TANGO6: variants seen among roughly 807,000 people sequenced by gnomAD.
The protein encoded by TANGO6 is transport and Golgi organization protein 6 homolog.
Under a neutral mutation model 114.2 loss-of-function variants are expected in TANGO6, and 90 were observed. The observed-to-expected ratio is 0.79, with a 90% CI of 0.66 to 0.94. TANGO6 has a LOEUF of 0.94. TANGO6 is among the 40% of genes least tolerant of loss of function. The probability of loss-of-function intolerance (pLI) is 0.00; values close to 1 mark genes in which losing one functional copy is unlikely to be tolerated. For synonymous variants in TANGO6, 477 were observed against 509.8 expected (o/e 0.94, Z 0.87); for missense variants, 1,274 against 1,315.3 (o/e 0.97, Z 0.49).
chr16:68,893,976 C>T (rs1962669639), intron 7 of TANGO6, among the ~76,000 whole-genome samples: 2 of 152,150 alleles, frequency 1.3e-5, no homozygotes, highest in African/African-American at 4.8e-5. Context: ...CCCTGCCCTC[C>T]ATGGGGCAGG....
At chr16:68,917,314 A>G (rs938638426) in intron 11 of TANGO6, among the ~76,000 whole-genome samples, 1 of 152,186 alleles carries the variant, frequency 6.6e-6, no homozygotes, top group Non-Finnish European at 1.5e-5. Flanking sequence ...ACTGAAGGAC[A>G]TCTTGGTTAC....
intron 14 of TANGO6, among the ~76,000 whole-genome samples, chr16:68,971,278 T>C (rs1172212420): frequency 2.6e-5 from 4 of 152,090 alleles, no homozygotes; most frequent in Non-Finnish European, 1.5e-5. Flanking sequence ...TTGGAGGCTA[T>C]TTCTGTTTTT....
intron 17 of TANGO6, among the ~76,000 whole-genome samples, chr16:69,080,866 C>T (rs548120203): frequency 1.3e-5 from 2 of 152,218 alleles, no homozygotes; most frequent in East Asian, 3.9e-4. Flanking sequence ...AGGCCGGGCG[C>T]GGTGGCTCAC....
At chr16:68,860,718 C>T (rs1013241051) in intron 2 of TANGO6, among the ~76,000 whole-genome samples, 194 bp downstream of exon 2, 3 of 152,164 alleles carry the variant, frequency 2.0e-5, no homozygotes, top group African/African-American at 7.2e-5. Context: ...CTTTGCACAC[C>T]TGTAGAGTCC....
chr16:68,925,016 G>A (rs746885543), intron 12 of TANGO6, among the ~76,000 whole-genome samples: 12 of 151,698 alleles, frequency 7.9e-5, no homozygotes, highest in Non-Finnish European at 1.8e-4. Context: ...GATGCAAAGA[G>A]GGGTGGGTGG....
At chr16:68,935,567 C>T (rs1963291416) in intron 14 of TANGO6, among the ~76,000 whole-genome samples, 1 of 152,164 alleles carries the variant, frequency 6.6e-6, no homozygotes, top group Non-Finnish European at 1.5e-5. Context: ...TTTATTCTTA[C>T]TGAGAAGCAG....
chr16:69,012,464 G>A (rs1964150597), intron 15 of TANGO6, among the ~76,000 whole-genome samples: 1 of 146,914 alleles, frequency 6.8e-6, no homozygotes. Context: ...GCTGAGACAG[G>A]AGAATCATTT....
intron 11 of TANGO6, among the ~76,000 whole-genome samples, chr16:68,915,306 G>A (rs1962987100): frequency 6.6e-6 from 1 of 151,730 alleles, no homozygotes; most frequent in South Asian, 2.1e-4. Flanking sequence ...ACTCTTTGTT[G>A]CCCAGGCTGG....
At chr16:68,988,041 A>G (rs1293527060) in intron 15 of TANGO6, among the ~76,000 whole-genome samples, 1 of 152,120 alleles carries the variant, frequency 6.6e-6, no homozygotes, top group African/African-American at 2.4e-5. Context: ...CTTTATATGT[A>G]GTGGAACCTC....
At chr16:69,017,137 CTGT>C (rs578258205) in intron 15 of TANGO6, among the ~76,000 whole-genome samples, 10 of 152,038 alleles carry the variant, frequency 6.6e-5, no homozygotes, top group Non-Finnish European at 1.5e-4. Context: ...AATACTGGAG[CTGT>C]TGTTAATAGA....
intron 9 of TANGO6, among the ~76,000 whole-genome samples, chr16:68,905,569 A>G (rs1962839159): frequency 1.3e-5 from 2 of 151,900 alleles, no homozygotes; most frequent in Admixed American, 1.3e-4. Flanking sequence ...TAGTAAGTAC[A>G]CACACAGGTG....
intron 5 of TANGO6, among the ~76,000 whole-genome samples, 196 bp downstream of exon 5, chr16:68,875,486 G>C (rs1962339801): frequency 6.6e-6 from 1 of 152,166 alleles, no homozygotes. Context: ...GAATGACGAG[G>C]CCAGGCGCAG....
At chr16:68,872,766 G>A (rs1364740908) in intron 4 of TANGO6, among the ~76,000 whole-genome samples, 1 of 148,718 alleles carries the variant, frequency 6.7e-6, no homozygotes, top group African/African-American at 2.5e-5. Context: ...GCGCGATCTC[G>A]GCTCACTACA....
At chr16:69,063,497 C>G (rs1960159674) in intron 17 of TANGO6, among the ~76,000 whole-genome samples, 2 of 151,164 alleles carry the variant, frequency 1.3e-5, no homozygotes, top group South Asian at 4.2e-4. Context: ...CGCACTCCAG[C>G]CTGGGCGACA....
chr16:68,848,506 C>G (rs987314585), intron 1 of TANGO6, among the ~76,000 whole-genome samples: 5 of 146,634 alleles, frequency 3.4e-5, no homozygotes, highest in Admixed American at 6.8e-5. Context: ...AGTGCAGAGA[C>G]AATACATATT....
At chr16:69,010,273 A>T (rs1419541541) in intron 15 of TANGO6, among the ~76,000 whole-genome samples, 1 of 152,194 alleles carries the variant, frequency 6.6e-6, no homozygotes, top group Non-Finnish European at 1.5e-5. Context: ...ACTGGAGATT[A>T]AAAACCTCAT....
intron 3 of TANGO6, among the ~76,000 whole-genome samples, chr16:68,865,648 C>T (rs376952690): frequency 7.2e-5 from 11 of 152,006 alleles, no homozygotes; most frequent in Admixed American, 1.3e-4. Context: ...GAAATCCGGC[C>T]GGGCGCGGTG....
intron 13 of TANGO6, among the ~76,000 whole-genome samples, 193 bp from the exon 14 acceptor site, chr16:68,930,045 A>G (rs957122024): frequency 1.3e-5 from 2 of 152,194 alleles, no homozygotes; most frequent in African/African-American, 4.8e-5. Context: ...CCCAGTCTCT[A>G]TACTTTTTTA....
intron 14 of TANGO6, among the ~76,000 whole-genome samples, chr16:68,951,826 A>G (rs936940899): frequency 1.3e-5 from 2 of 151,880 alleles, no homozygotes; most frequent in Non-Finnish European, 2.9e-5. Flanking sequence ...GTTAGCTAGG[A>G]TGGTCTCGAT....
Sources: gnomAD v4.1 joint callset for allele counts (sites outside exome capture counted in the v4.1 genomes callset) on GRCh38, gnomAD v4.1.1 for gene constraint, MANE v1.5 for transcripts, NCBI Gene and HGNC (gene_info 2026-07-23, HGNC 2026-07-21) for gene names.